The following HMCN2 variants were observed in gnomAD, a reference collection of about 807,000 sequenced individuals.
HMCN2 encodes the protein hemicentin-2.
Under a neutral mutation model 377.5 loss-of-function variants are expected in HMCN2, and 325 were observed. The ratio of observed to expected loss-of-function variants is 0.86; its 90% CI spans 0.79 to 0.94. HMCN2 has a LOEUF of 0.94. HMCN2 is among the 40% of genes least tolerant of loss of function. The pLI is 0.00. For missense variants in HMCN2, 4,543 were observed against 4,725.3 expected (o/e 0.96, Z 1.13); for synonymous variants, 2,007 against 2,046.8 (o/e 0.98, Z 0.53).
intron 84 of HMCN2, among the ~76,000 whole-genome samples, chr9:130,409,934 C>T (rs1006092008): frequency 4.6e-5 from 7 of 152,146 alleles, no homozygotes; most frequent in Admixed American, 6.5e-5. Context: ...CTGATGGTGG[C>T]GCTGCCACTC....
At chr9:130,273,670 G>A (rs545286099) in intron 1 of HMCN2, among the ~76,000 whole-genome samples, 85 of 152,194 alleles carry the variant, frequency 5.6e-4, no homozygotes, top group African/African-American at 1.9e-3. Flanking sequence ...GCTAATTTTC[G>A]TATCTTTAGT....
chr9:130,411,598 C>CAAAAAAAAAAAA (rs35719589), intron 85 of HMCN2, among the ~76,000 whole-genome samples: 1 of 97,774 alleles, frequency 1.0e-5, no homozygotes, highest in East Asian at 2.7e-4. Context: ...GACTCAATCT[C>CAAAAAAAAAAAA]AAAAAAAAAA....
At chr9:130,340,861 C>T (rs921618116) in intron 23 of HMCN2, among the ~76,000 whole-genome samples, 1 of 152,172 alleles carries the variant, frequency 6.6e-6, no homozygotes. Flanking sequence ...TTGGCGAGGG[C>T]AGAGGGATAT....
At position 130,394,146 on chromosome 9, in the gene HMCN2, T is replaced by C. The variant is rs1842478954; in HGVS notation, c.10501+138T>C. 3.4e-6 allele frequency: 3 copies of C among 893,292 alleles called. No homozygotes were observed. Among genetic ancestry groups the C allele is most frequent in the Non-Finnish European group, 4.5e-6 (3 of 673,532 alleles). 55.3% of individuals were successfully genotyped at this position (893,292 alleles called of 1,614,324 possible). ...CACCTGGGAGCAGAACTCAGGGAAC[T>C]TGGTTCTGGCTGGGATGCCTCTCTC... On this transcript the variant is annotated intron_variant, in intron 68 of 97. Coordinates refer to ENST00000683500, the MANE Select transcript of HMCN2 (RefSeq NM_001291815.2). This position sits in a 1 kb window ranked among gnomAD's most constrained non-coding sequence, Gnocchi z 5.1.
At chr9:130,309,101 T>C (rs1176751807) in intron 14 of HMCN2, among the ~76,000 whole-genome samples, 1 of 152,256 alleles carries the variant, frequency 6.6e-6, no homozygotes, top group Non-Finnish European at 1.5e-5. Context: ...TCGTCAATCT[T>C]ATGTTATGCA....
At chr9:130,331,995 T>C (rs2131439614) in intron 22 of HMCN2, among the ~76,000 whole-genome samples, 1 of 152,330 alleles carries the variant, frequency 6.6e-6, no homozygotes, top group African/African-American at 2.4e-5. Flanking sequence ...CCACCCACCC[T>C]TCTCCTGGAA....
In HMCN2 at chr9:130,347,940, T is replaced by TGGTCTC; in HGVS notation, c.4024+581_4024+586dup. The TGGTCTC allele has an allele frequency of 1.0e-6, 1 of 953,688 alleles. No individual in the cohort carries two copies. The highest frequency in any genetic ancestry group is 1.2e-6 in the Non-Finnish European group (1 of 801,208). The allele number at this position is 953,688 out of a possible 1,614,324, so 59.1% of individuals were successfully genotyped here. A position where few individuals can be genotyped will look rare whatever the true frequency, so the allele number is the denominator to read the frequency against. ...ACCTCCGGGTTAAAACTGTTACCCC[T>TGGTCTC]GGTCTCTTCTCACATTCTTGTCCTC... On this transcript the variant is annotated intron_variant, in intron 26 of 97. Transcript: ENST00000683500. The surrounding 1 kb of genome is among the most constrained non-coding windows in gnomAD (Gnocchi z 5.1).
intron 41 of HMCN2, 77 bp from the exon 42 acceptor site, chr9:130,365,554 C>A: frequency 1.4e-6 from 1 of 697,618 alleles, no homozygotes; most frequent in Middle Eastern, 7.0e-4. Flanking sequence ...CGTGACATGT[C>A]TGCAGTCACA....
At chr9:130,362,440 A>G (rs1840437169) in intron 39 of HMCN2, among the ~76,000 whole-genome samples, 1 of 152,262 alleles carries the variant, frequency 6.6e-6, no homozygotes, top group Non-Finnish European at 1.5e-5. Flanking sequence ...TGTTAATAAT[A>G]CACGTTAGTT....
In HMCN2 at chr9:130,355,017, G is replaced by T; in HGVS notation, c.5119G>T (p.Val1707Phe). ...CVASSPAGEAVLQYSVEVQVP... is the reference protein window; with the variant it reads ...CVASSPAGEAFLQYSVEVQVP... The stretch of plus-strand genomic sequence containing the variant: ...GGCCAGCAGTCCTGCCGGGGAAGCC[G>T]TCCTGCAGTACTCCGTGGAGGTTCA... Residue 1707 changes from valine to phenylalanine, a missense_variant, in exon 32 of 98, where the codon GTC becomes TTC. Transcript: ENST00000683500. The T allele has an allele frequency of 7.7e-7, 1 of 1,290,596 alleles. No individual in the cohort carries two copies. The highest frequency in any genetic ancestry group is 1.0e-6 in the Non-Finnish European group (1 of 987,846). 79.9% of individuals were successfully genotyped at this position (1,290,596 alleles called of 1,614,324 possible).
chr9:130,383,637 T>C, intron 57 of HMCN2, 37 bp downstream of exon 57: 1 of 944,538 alleles, frequency 1.1e-6, no homozygotes, highest in Non-Finnish European at 1.3e-6. Flanking sequence ...TGTGGGTTCC[T>C]TTTCCCTTCC....
At position 130,400,953 on chromosome 9, in the gene HMCN2, T is replaced by C; in HGVS notation, c.11770+6T>C. On this transcript the variant is annotated splice_donor_region_variant and intron_variant, in intron 77 of 97. Coordinates refer to ENST00000683500, the MANE Select transcript of HMCN2 (RefSeq NM_001291815.2). ...CTATCGTGTCTCACCATCGGGTAAG[T>C]AAGGGTAAGCCACAGAGAGAGGCAG... 1.6e-6 allele frequency: 2 copies of C among 1,283,796 alleles called. No individual in the cohort carries two copies. Among genetic ancestry groups the C allele is most frequent in the Non-Finnish European group, 2.0e-6 (2 of 986,402 alleles). 79.5% of individuals were successfully genotyped at this position (1,283,796 alleles called of 1,614,324 possible).
chr9:130,375,242 C>A (rs942532914), intron 49 of HMCN2, among the ~76,000 whole-genome samples: 1 of 152,316 alleles, frequency 6.6e-6, no homozygotes, highest in Non-Finnish European at 1.5e-5. Context: ...TCCCACTCCC[C>A]CCTCAAACAG....
chr9:130,307,454 C>A lies in HMCN2; in HGVS notation c.2088C>A (p.Asp696Glu), dbSNP rs1311299862. 1 of 470,886 alleles carries A rather than the reference C, an allele frequency of 2.1e-6. No individual in the cohort carries two copies. The highest frequency in any genetic ancestry group is 4.4e-6 in the Non-Finnish European group (1 of 227,056). 29.2% of individuals were successfully genotyped at this position (470,886 alleles called of 1,614,324 possible). ...ATTCTGCATCTCTTCCCCACACAGA[C>A]CCACCGTCGGTCTCTGCTGTAAATG... ...DQETVTLYYT[D>E]PPSVSAVNAV... Residue 696 changes from aspartate (D) to glutamate (E), a missense_variant and splice_region_variant, in exon 14 of 98, where the codon GAC (aspartate) becomes GAA (glutamate). Around this residue, in one of 5 missense-constraint regions of HMCN2, gnomAD observed 547 missense variants for 189.9 expected, o/e 2.88. Coordinates refer to ENST00000683500, the MANE Select transcript of HMCN2 (RefSeq NM_001291815.2).
intron 19 of HMCN2, 95 bp from the exon 20 acceptor site, chr9:130,325,500 C>T (rs1436134425): frequency 6.6e-6 from 1 of 152,294 alleles, no homozygotes; most frequent in Non-Finnish European, 1.5e-5. Context: ...TGTGCCCATG[C>T]ATCGCTGATG....
rs1309059538 is a variant in HMCN2 at position 130,428,643 on chromosome 9, C to T, written c.14197+154C>T. Among the ~76,000 whole-genome samples, 1 of 152,200 alleles carries T rather than the reference C, an allele frequency of 6.6e-6. No homozygotes were observed. The highest frequency in any genetic ancestry group is 1.5e-5 in the Non-Finnish European group (1 of 68,032). ...GAGTACAGCAAGGCTGGGGACAAAG[C>T]CTGCGCCAGGCTCTGGAGGTCTGAG... On this transcript the variant is annotated intron_variant, in intron 93 of 97. Transcript: ENST00000683500. This position sits in a 1 kb window ranked among gnomAD's most constrained non-coding sequence, Gnocchi z 5.0.
chr9:130,345,447 T>C (rs988730967), intron 25 of HMCN2, among the ~76,000 whole-genome samples: 1 of 149,826 alleles, frequency 6.7e-6, no homozygotes, highest in Non-Finnish European at 1.5e-5. Flanking sequence ...GTGGTGTGTA[T>C]GTGGTGTGTG....
chr9:130,340,749 A>C (rs940067385), intron 23 of HMCN2, among the ~76,000 whole-genome samples: 1 of 152,128 alleles, frequency 6.6e-6, no homozygotes, highest in Non-Finnish European at 1.5e-5. Flanking sequence ...AACGCCTGAC[A>C]TCAGGCAATC....
In HMCN2 at chr9:130,398,614, T is replaced by A. The variant is rs1049122590; in HGVS notation, c.11390T>A (p.Leu3797Gln). ...CTGACCGCCCACACCCCAGCCTTGC[T>A]GCCCTGCGAGGCCAGCGGCTCCCCT... ...LTLTAHTPAL[L>Q]PCEASGSPKP... Residue 3797 changes from leucine (L) to glutamine (Q), a missense_variant, in exon 75 of 98, where the codon CTG becomes CAG. By Grantham distance (113) the Leu-to-Gln change is moderately radical. Around this residue, in one of 5 missense-constraint regions of HMCN2, gnomAD observed 1,073 missense variants for 1,319.5 expected, o/e 0.81. Transcript: ENST00000683500. 1 of 1,287,586 alleles carries A rather than the reference T, an allele frequency of 7.8e-7. No homozygotes were observed. Among genetic ancestry groups the A allele is most frequent in the Admixed American group, 2.3e-5 (1 of 43,470 alleles). 79.8% of individuals were successfully genotyped at this position (1,287,586 alleles called of 1,614,324 possible).
Sources: gnomAD v4.1 joint callset for allele counts (sites outside exome capture counted in the v4.1 genomes callset) on GRCh38, gnomAD v4.1.1 for gene constraint, gnomAD v4.1.1 regional missense constraint, Gnocchi (gnomAD v3.1) non-coding constraint, MANE v1.5 for transcripts, NCBI Gene and HGNC (gene_info 2026-07-23, HGNC 2026-07-21) for gene names.